The following SYNE2 variants were observed in gnomAD, a reference collection of about 807,000 sequenced individuals.
SYNE2 encodes the protein nesprin-2.
In SYNE2, 431 loss-of-function variants were observed where a neutral mutation model predicts 856.3. That is an observed-to-expected ratio of 0.50 (90% confidence interval 0.47 to 0.55). The LOEUF is 0.55. SYNE2 is among the 20% of genes least tolerant of loss of function. The pLI is 0.00. For missense variants in SYNE2, 8,129 were observed against 8,023.2 expected, an observed-to-expected ratio of 1.01 and a Z score of -0.50; for synonymous variants, 2,923 against 2,872.3, an observed-to-expected ratio of 1.02 and a Z score of -0.56.
In SYNE2 at chr14:64,121,963, A is replaced by G. The variant is rs572712438; in HGVS notation, c.13159-49A>G. 6.2e-6 allele frequency: 10 copies of G among 1,610,652 alleles called. No homozygotes were observed. In the South Asian group the frequency reaches 1.1e-4, roughly 18 times the overall value. ...TCAGCAGAGGAAACTAGTGGGTACT[A>G]ATCGAAAAGCTTGATGGATTGGACC... On this transcript the variant is annotated intron_variant, in intron 68 of 115. Coordinates refer to ENST00000555002, the MANE Select transcript of SYNE2 (RefSeq NM_182914.3).
At chr14:64,112,922 T>G in intron 65 of SYNE2, 1 of 803,840 alleles carries the variant, frequency 1.2e-6, no homozygotes, top group Non-Finnish European at 1.5e-6. Flanking sequence ...CGTGTTCTGT[T>G]TTGTTTTGTT....
At chr14:63,884,370 C>T (rs557371296) in intron 1 of SYNE2, among the ~76,000 whole-genome samples, 3 of 152,220 alleles carry the variant, frequency 2.0e-5, no homozygotes, top group Non-Finnish European at 2.9e-5. Flanking sequence ...TCTATCCGTC[C>T]ATCTGTCCAG....
rs1432727074 is a variant in SYNE2, at chr14:64,126,493, C to T, written c.13707+14C>T. ...GTGCACTACGAGGTAGGGCACTTCTCACGAGCCCATGTGTTGGCCATTACA... is the reference window on the plus strand; with the variant it reads ...GTGCACTACGAGGTAGGGCACTTCTTACGAGCCCATGTGTTGGCCATTACA... On this transcript the variant is annotated intron_variant, in intron 72 of 115. Transcript: ENST00000555002. The T allele has an allele frequency of 1.2e-6, 2 of 1,614,094 alleles. No individual in the cohort carries two copies. Among genetic ancestry groups the T allele is most frequent in the Non-Finnish European group, 8.5e-7 (1 of 1,179,976 alleles).
At chr14:63,950,075 C>T (rs1167457258) in intron 7 of SYNE2, 69 bp downstream of exon 7, 28 of 1,485,642 alleles carry the variant, frequency 1.9e-5, no homozygotes, top group Non-Finnish European at 2.3e-5. Flanking sequence ...CCTCACCACC[C>T]AAACACCTCC....
intron 64 of SYNE2, among the ~76,000 whole-genome samples, chr14:64,107,063 C>G (rs908526775): frequency 6.6e-6 from 1 of 152,126 alleles, no homozygotes; most frequent in Non-Finnish European, 1.5e-5. Flanking sequence ...CCATGTTGCT[C>G]AGGCTGGTCT....
At chr14:64,190,032 G>A in intron 98 of SYNE2, 39 bp from the exon 99 acceptor site, 1 of 1,611,636 alleles carries the variant, frequency 6.2e-7, no homozygotes, top group South Asian at 1.1e-5. Context: ...ATGAGTTTGG[G>A]CTAATTAGCC....
chr14:64,183,115 C>T (rs868266614), intron 96 of SYNE2, among the ~76,000 whole-genome samples: 1 of 150,902 alleles, frequency 6.6e-6, no homozygotes, highest in Admixed American at 6.6e-5. Context: ...CCTCACTTCT[C>T]GGACGGGGCG....
chr14:64,057,573 T>C (rs1020962143), intron 49 of SYNE2, among the ~76,000 whole-genome samples: 6 of 152,220 alleles, frequency 3.9e-5, no homozygotes, highest in African/African-American at 1.4e-4. Context: ...TGAATAATAC[T>C]TCAATAAACA....
chr14:64,112,359 C>A (rs896586391), intron 65 of SYNE2, among the ~76,000 whole-genome samples: 3 of 152,066 alleles, frequency 2.0e-5, no homozygotes, highest in African/African-American at 7.2e-5. Flanking sequence ...TTTTTGAGAG[C>A]AAAAGGTTTA....
intron 89 of SYNE2, among the ~76,000 whole-genome samples, chr14:64,164,311 C>A (rs944580914): frequency 2.6e-5 from 4 of 152,004 alleles, no homozygotes; most frequent in Admixed American, 2.6e-4. Flanking sequence ...AGGGTTTCAC[C>A]ATGTTAGCCA....
At chr14:63,856,473 T>G (rs1426478654) in intron 1 of SYNE2, among the ~76,000 whole-genome samples, 1 of 152,192 alleles carries the variant, frequency 6.6e-6, no homozygotes, top group Non-Finnish European at 1.5e-5. Flanking sequence ...CATGTGCTCC[T>G]GGGGGCTGTG....
intron 73 of SYNE2, among the ~76,000 whole-genome samples, chr14:64,127,301 G>A (rs57018718): frequency 0.068 from 10,302 of 151,938 alleles, 433 homozygotes; most frequent in East Asian, 0.13. Flanking sequence ...TTGACCGAGC[G>A]TAGTAGCTCA....
chr14:64,065,367 G>A, intron 50 of SYNE2, 65 bp from the exon 51 acceptor site: 6 of 1,353,468 alleles, frequency 4.4e-6, no homozygotes, highest in Admixed American at 3.6e-5. Context: ...ATTTAAAAGA[G>A]TTAGTAAGTT....
chr14:64,102,007 G>C lies in SYNE2; in HGVS notation c.12457G>C (p.Asp4153His), dbSNP rs1595531126. 1 of 1,614,044 alleles carries C rather than the reference G, an allele frequency of 6.2e-7. No homozygotes were observed. Among genetic ancestry groups the C allele is most frequent in the Non-Finnish European group, 8.5e-7 (1 of 1,179,898 alleles). ...GAAGCATGACAAGGACATGGAAGAA[G>C]ACAGAGCTTCCTCATCCTCTGGAAC... ...LWKHDKDMEE[D>H]RASSSSGTIV... Residue 4153 changes from aspartate to histidine, a missense_variant, in exon 64 of 116, where the codon GAC becomes CAC. Around this residue, in one of 3 missense-constraint regions of SYNE2, gnomAD observed 5,410 missense variants for 5,284.8 expected, o/e 1.02. Coordinates refer to ENST00000555002, the MANE Select transcript of SYNE2 (RefSeq NM_182914.3).
At position 64,031,303 on chromosome 14, in the gene SYNE2, T is replaced by C; in HGVS notation, c.7167T>C (p.Ser2389=). The C allele has an allele frequency of 6.2e-7, 1 of 1,614,174 alleles. No homozygotes were observed. The highest frequency in any genetic ancestry group is 8.5e-7 in the Non-Finnish European group (1 of 1,180,030). ...EKQATSDVQE[S]TQESAAVEKL... is the part of the protein sequence containing the mutation. ...AGGCCACTTCTGATGTGCAGGAGTCTACTCAGGAATCAGCTGCAGTGGAAA... is the reference window on the plus strand; with the variant it reads ...AGGCCACTTCTGATGTGCAGGAGTCCACTCAGGAATCAGCTGCAGTGGAAA... Residue 2389 remains serine (S), a synonymous_variant, in exon 45 of 116, where the codon TCT becomes TCC. Transcript: ENST00000555002.
At chr14:64,098,615 G>A (rs1413668653) in intron 62 of SYNE2, 132 bp from the exon 63 acceptor site, 13 of 870,908 alleles carry the variant, frequency 1.5e-5, no homozygotes, top group Non-Finnish European at 2.3e-5. Context: ...CCAGGAGACA[G>A]GCTTCTTGTG....
At chr14:64,170,191 C>G in intron 93 of SYNE2, 37 bp from the exon 94 acceptor site, 1 of 1,591,640 alleles carries the variant, frequency 6.3e-7, no homozygotes. Context: ...TTCTACATGT[C>G]GATGTCTGGA....
chr14:63,796,490 G>A (rs906783298), intron 1 of SYNE2, among the ~76,000 whole-genome samples: 1 of 151,764 alleles, frequency 6.6e-6, no homozygotes, highest in African/African-American at 2.4e-5. Flanking sequence ...GATTTTAAAA[G>A]GTTTGATAAA....
At chr14:63,807,841 A>ATATATATATATATATATATG (rs1888433221) in intron 1 of SYNE2, among the ~76,000 whole-genome samples, 1 of 98,370 alleles carries the variant, frequency 1.0e-5, no homozygotes, top group Non-Finnish European at 2.1e-5. Flanking sequence ...ATATATATAT[A>ATATATATATATATATATATG]TATATATATA....
Sources: gnomAD v4.1 joint callset for allele counts (sites outside exome capture counted in the v4.1 genomes callset) on GRCh38, gnomAD v4.1.1 for gene constraint, gnomAD v4.1.1 regional missense constraint, MANE v1.5 for transcripts, NCBI Gene and HGNC (gene_info 2026-07-23, HGNC 2026-07-21) for gene names.